The following CIC variants were observed in gnomAD, a reference collection of about 807,000 sequenced individuals.
CIC encodes the protein capicua transcriptional repressor, also known as protein capicua homolog.
In CIC, 18 loss-of-function variants were observed where a neutral mutation model predicts 115.7. That is an observed-to-expected ratio of 0.16 (90% CI 0.11 to 0.23). The LOEUF is 0.23. CIC is among the 10% of genes least tolerant of loss of function. CIC has a pLI of 1.00. For missense variants in CIC, 2,000 were observed against 2,159.3 expected (o/e 0.93, Z 1.46); for synonymous variants, 1,076 against 923.0 (o/e 1.17, Z -3.01).
Position 42,292,993 on chromosome 19 carries a change from C to T in CIC, c.6234C>T (p.Ala2078=). The T allele has an allele frequency of 1.2e-6, 2 of 1,613,668 alleles. No individual in the cohort carries two copies. The change falls in exon 16 of 21, where the codon GCC becomes GCT. Residue 2078 remains alanine, a synonymous_variant. Transcript: ENST00000681038. The part of the protein sequence containing the change: ...SMTYSLVAPK[A]QRPSPKAPQK... Reference sequence around the variant, plus strand: ...CCTACAGCTTAGTGGCCCCCAAGGCCCAGCGGCCCAGCCCGAAGGCCCCCC... The same window carrying T: ...CCTACAGCTTAGTGGCCCCCAAGGCTCAGCGGCCCAGCCCGAAGGCCCCCC...
At position 42,289,253 on chromosome 19, in the gene CIC, G is replaced by C. The variant is rs376238069; in HGVS notation, c.3934G>C (p.Ala1312Pro). Residue 1312 changes from alanine (A) to proline (P), a missense_variant, in exon 9 of 21, where the codon GCC (alanine) becomes CCC (proline). Physicochemically the swap from Ala to Pro is conservative, Grantham distance 27. Transcript: ENST00000681038. ...TQYGAPGPFA[A>P]PGEGGALAAT... The stretch of plus-strand genomic sequence containing the variant: ...GTATGGAGCTCCAGGACCCTTTGCA[G>C]CCCCTGGTGAGGGAGGTGCCTTGGC... 2 of 1,613,712 alleles carry C rather than the reference G, an allele frequency of 1.2e-6. No individual in the cohort carries two copies. The highest frequency in any genetic ancestry group is 2.7e-5 in the African/African-American group (2 of 75,062).
chr19:42,292,762 C>T lies in CIC; in HGVS notation c.6099C>T (p.Thr2033=), dbSNP rs758814892. 1 of 1,613,776 alleles carries T rather than the reference C, an allele frequency of 6.2e-7. No homozygotes were observed. ...CAAGCCTGGTCTACACTGTGGCCAC[C>T]AGCACAACCCCACCTGCAGCCACCA... is the stretch of plus-strand genomic sequence containing the variant. The part of the protein sequence containing the change: ...APPSLVYTVA[T]STTPPAATIL... Residue 2033 remains threonine (T), a synonymous_variant, in exon 15 of 21, where the codon ACC becomes ACT. Coordinates refer to ENST00000681038, the MANE Select transcript of CIC (RefSeq NM_001386298.1).
chr19:42,284,713 G>A (rs2037493217), intron 2 of CIC: 2 of 1,551,700 alleles, frequency 1.3e-6, no homozygotes, highest in Non-Finnish European at 1.7e-6. Flanking sequence ...CCATGTATTC[G>A]GCCCACAGGC....
chr19:42,293,665 C>T lies in CIC; in HGVS notation c.6596C>T (p.Pro2199Leu). ...GQGLENRGEP[P>L]TPPSPAPAPA... The stretch of plus-strand genomic sequence containing the variant: ...GGCCTGGAGAATCGTGGGGAGCCTC[C>T]CACTCCTCCCAGCCCGGCCCCAGCT... Residue 2199 changes from proline (P) to leucine (L), a missense_variant, in exon 17 of 21, where the codon CCC becomes CTC. This residue lies in a region of CIC where 1,466 missense variants were observed against 1,390.4 expected (regional missense o/e 1.05). Transcript: ENST00000681038. 4 of 1,612,732 alleles carry T rather than the reference C, an allele frequency of 2.5e-6. No individual in the cohort carries two copies. The highest frequency in any genetic ancestry group is 3.4e-6 in the Non-Finnish European group (4 of 1,179,756).
chr19:42,292,732 C>A lies in CIC; in HGVS notation c.6069C>A (p.Ala2023=). 2 of 1,613,802 alleles carry A rather than the reference C, an allele frequency of 1.2e-6. No homozygotes were observed. Among genetic ancestry groups the A allele is most frequent in the Non-Finnish European group, 8.5e-7 (1 of 1,179,952 alleles). Residue 2023 remains alanine, a synonymous_variant, in exon 15 of 21, where the codon GCC becomes GCA. Transcript: ENST00000681038. ...CACCCCTGGCCCAGCCATCCCAGGC[C>A]CCCCCAAGCCTGGTCTACACTGTGG... The part of the protein sequence containing the change: ...SSAPLAQPSQ[A]PPSLVYTVAT...
At position 42,294,212 on chromosome 19, in the gene CIC, G is replaced by A. The variant is rs2038356171; in HGVS notation, c.6962G>A (p.Arg2321His). ...CCCGAGGACCCCACCTCGCCCAAGCGCAAGATGAGAAGACGCTCCAGCTGC... is the reference window on the plus strand; with the variant it reads ...CCCGAGGACCCCACCTCGCCCAAGCACAAGATGAGAAGACGCTCCAGCTGC... ...SAPEDPTSPK[R>H]KMRRRSSCSS... Residue 2321 changes from arginine to histidine, a missense_variant, in exon 19 of 21, where the codon CGC (arginine) becomes CAC (histidine). Physicochemically the swap from Arg to His is conservative, Grantham distance 29 (BLOSUM62 0). Transcript: ENST00000681038. 5 of 1,613,714 alleles carry A rather than the reference G, an allele frequency of 3.1e-6. No homozygotes were observed. Among genetic ancestry groups the A allele is most frequent in the Non-Finnish European group, 4.2e-6 (5 of 1,180,028 alleles).
Position 42,295,143 on chromosome 19 carries a change from G to GGGGCGGCC in CIC, c.7506_7507insGGGCGGCC (p.Pro2503GlyfsTer29). On this transcript the variant is annotated frameshift_variant, in exon 21 of 21. Coordinates refer to ENST00000681038, the MANE Select transcript of CIC (RefSeq NM_001386298.1). LOFTEE classifies it high-confidence loss of function. ...AGCCTGGCTGGGAGGGGGCTCCCCA[G>GGGGCGGCC]CCCTCCCCCCCACCCCCAGGTCCCT... 1 of 1,382,734 alleles carries GGGGCGGCC rather than the reference G, an allele frequency of 7.2e-7. No homozygotes were observed. Among genetic ancestry groups the GGGGCGGCC allele is most frequent in the Non-Finnish European group, 9.6e-7 (1 of 1,037,824 alleles). The allele number at this position is 1,382,734 out of a possible 1,614,324, so 85.7% of individuals were successfully genotyped here.
chr19:42,275,379 C>G (rs1344207835), intron 2 of CIC, among the ~76,000 whole-genome samples: 1 of 152,172 alleles, frequency 6.6e-6, no homozygotes, highest in Non-Finnish European at 1.5e-5. Flanking sequence ...GAGGACAGGG[C>G]GTGTAAGCCA....
At chr19:42,284,544 G>GT (rs1235920005) in intron 2 of CIC, 4 of 219,590 alleles carry the variant, frequency 1.8e-5, no homozygotes, top group East Asian at 2.1e-4. Flanking sequence ...AGACCCCCGC[G>GT]TGGGGCGGCC....
Position 42,293,594 on chromosome 19 carries a change from C to T in CIC, c.6525C>T (p.Ala2175=), listed in dbSNP as rs1329034678. Residue 2175 remains alanine (A), a splice_region_variant and synonymous_variant, in exon 17 of 21, where the codon GCC becomes GCT. Coordinates refer to ENST00000681038, the MANE Select transcript of CIC (RefSeq NM_001386298.1). The part of the protein sequence containing the change: ...RTSAKGPETM[A]SKFPSSSSDW... ...CTCCCTGCCCATCTCCACCCCAGGCCAGCAAATTCCCCAGCTCATCTTCAG... is the reference window on the plus strand; with the variant it reads ...CTCCCTGCCCATCTCCACCCCAGGCTAGCAAATTCCCCAGCTCATCTTCAG... 16 of 1,613,878 alleles carry T rather than the reference C, an allele frequency of 9.9e-6. No individual in the cohort carries two copies. The South Asian group carries it at 1.4e-4, about 14-fold the overall frequency.
chr19:42,270,102 G>C lies in CIC; in HGVS notation c.-11+721G>C, dbSNP rs755849900. The stretch of plus-strand genomic sequence containing the variant: ...GGCGGCATAGTTGTAGGCCCTGGGT[G>C]GGGTATGCAAAGGTTTGTGCTTGGA... On this transcript the variant is annotated intron_variant, in intron 1 of 20. Coordinates refer to ENST00000681038, the MANE Select transcript of CIC (RefSeq NM_001386298.1). This position sits in a 1 kb window ranked among gnomAD's most constrained non-coding sequence, Gnocchi z 4.1. Among the ~76,000 whole-genome samples the C allele has an allele frequency of 2.0e-5, 3 of 152,292 alleles. No individual in the cohort carries two copies. Among genetic ancestry groups the C allele is most frequent in the Non-Finnish European group, 4.4e-5 (3 of 67,998 alleles).
Position 42,295,029 on chromosome 19 carries a change from G to T in CIC, c.7392G>T (p.Gly2464=), listed in dbSNP as rs2147358162. ...AAPAPTPSPA[G]GPDPTSPSSD... is the part of the protein sequence containing the mutation. ...CTGCCCCCACTCCCAGCCCCGCAGG[G>T]GGCCCTGACCCCACCTCACCCAGCT... The change falls in exon 21 of 21, where the codon GGG becomes GGT. Residue 2464 remains glycine (G), a synonymous_variant. Coordinates refer to ENST00000681038, the MANE Select transcript of CIC (RefSeq NM_001386298.1). The T allele has an allele frequency of 3.2e-6, 5 of 1,577,382 alleles. No individual in the cohort carries two copies. Among genetic ancestry groups the T allele is most frequent in the Non-Finnish European group, 4.3e-6 (5 of 1,169,070 alleles).
chr19:42,292,888 T>A (rs768400678), intron 15 of CIC, 29 bp downstream of exon 15: 2 of 1,612,934 alleles, frequency 1.2e-6, no homozygotes, highest in Non-Finnish European at 1.7e-6. Flanking sequence ...CAGAGCAGAG[T>A]GAGTTGGGGG....
At position 42,289,832 on chromosome 19, in the gene CIC, C is replaced by T. The variant is rs781496326; in HGVS notation, c.4088-16C>T. On this transcript the variant is annotated splice_polypyrimidine_tract_variant and intron_variant, in intron 9 of 20. Coordinates refer to ENST00000681038, the MANE Select transcript of CIC (RefSeq NM_001386298.1). ...CATCTAGCCCCCTCCCCATACTGTT[C>T]CCTCCACTCCCTCAGCTGACGATGG... The T allele has an allele frequency of 1.8e-5, 28 of 1,573,050 alleles. No individual in the cohort carries two copies. The highest frequency in any genetic ancestry group is 3.5e-5 in the South Asian group (3 of 85,914).
At chr19:42,294,476 G>A in intron 19 of CIC, 128 bp from the exon 20 acceptor site, 2 of 1,547,682 alleles carry the variant, frequency 1.3e-6, no homozygotes, top group South Asian at 1.1e-5. Context: ...CCCTGTGACT[G>A]TGGGCAGGAC....
rs776147153 is a variant in CIC, at chr19:42,290,564, G to A, written c.4523G>A (p.Arg1508Gln). The change falls in exon 11 of 21, where the codon CGG becomes CAG. Residue 1508 changes from arginine to glutamine, a missense_variant. Transcript: ENST00000681038. ...RFLPMDPATF[R>Q]RKRPESVGGL... ...CTCCCAATGGATCCTGCCACCTTCC[G>A]GCGCAAGAGACCCGAAAGTGTGGGT... 1.4e-5 allele frequency: 22 copies of A among 1,613,480 alleles called. No homozygotes were observed. The highest frequency in any genetic ancestry group is 1.7e-4 in the Middle Eastern group (1 of 5,910).
chr19:42,292,061 G>A, intron 12 of CIC, 25 bp from the exon 13 acceptor site: 2 of 1,612,888 alleles, frequency 1.2e-6, no homozygotes, highest in East Asian at 2.2e-5. Context: ...AGCTCACCCT[G>A]GCCTATGGGT....
intron 17 of CIC, 24 bp from the exon 18 acceptor site, chr19:42,293,911 G>C: frequency 6.2e-7 from 1 of 1,612,828 alleles, no homozygotes; most frequent in Non-Finnish European, 8.5e-7. Context: ...TGAGGCGGGG[G>C]AGGTGACCCT....
At chr19:42,289,493 G>A (rs2037915773) in intron 9 of CIC, 87 bp downstream of exon 9, 1 of 1,408,222 alleles carries the variant, frequency 7.1e-7, no homozygotes. Flanking sequence ...AGGCCCCTAG[G>A]CCCCTTTGTT....
Sources: allele counts gnomAD v4.1 joint callset (sites outside exome capture counted in the v4.1 genomes callset), GRCh38; gene constraint gnomAD v4.1.1; regional missense constraint gnomAD v4.1.1; non-coding constraint Gnocchi (gnomAD v3.1); transcripts MANE v1.5; gene names NCBI Gene and HGNC (gene_info 2026-07-23, HGNC 2026-07-21).